Variants in IMPA1 observed in about 807,000 individuals in gnomAD.
IMPA1 encodes D-galactose 1-phosphate phosphatase.
Under a neutral mutation model 34.9 loss-of-function variants are expected in IMPA1, and 21 were observed. That is an observed-to-expected ratio of 0.60 (90% CI 0.43 to 0.87). The LOEUF (loss-of-function observed/expected upper bound fraction) is 0.87. Ranked by LOEUF, IMPA1 falls within the 40% of genes least tolerant of loss-of-function variation. The probability of loss-of-function intolerance (pLI) is 0.00; values close to 1 mark genes in which losing one functional copy is unlikely to be tolerated. For missense variants in IMPA1, 299 were observed against 336.4 expected, an observed-to-expected ratio of 0.89 and a Z score of 0.87; for synonymous variants, 95 against 104.4, an observed-to-expected ratio of 0.91 and a Z score of 0.55.
At chr8:81,684,647 TAAG>T (rs1807437281) in intron 1 of IMPA1, among the ~76,000 whole-genome samples, 1 of 139,704 alleles carries the variant, frequency 7.2e-6, no homozygotes, top group Admixed American at 7.3e-5. Flanking sequence ...ATACTACACA[TAAG>T]TATATATACT....
intron 5 of IMPA1, among the ~76,000 whole-genome samples, chr8:81,675,174 A>T (rs1344899835): frequency 6.6e-6 from 1 of 151,898 alleles, no homozygotes; most frequent in Non-Finnish European, 1.5e-5. Flanking sequence ...ACATCTCACC[A>T]TTCCCCACAC....
intron 2 of IMPA1, 107 bp downstream of exon 2, chr8:81,681,391 G>C (rs990101128): frequency 2.9e-6 from 2 of 700,920 alleles, no homozygotes; most frequent in African/African-American, 1.8e-5. Flanking sequence ...AAGCAAGACC[G>C]TTTCAAAAAA....
chr8:81,680,468 G>A (rs1221410113), intron 3 of IMPA1, among the ~76,000 whole-genome samples, 182 bp downstream of exon 3: 3 of 152,166 alleles, frequency 2.0e-5, no homozygotes, highest in South Asian at 2.1e-4. Flanking sequence ...CAACAATCAC[G>A]TGAGTGAATG....
At chr8:81,671,746 A>C (rs962891138) in intron 6 of IMPA1, among the ~76,000 whole-genome samples, 13 of 151,726 alleles carry the variant, frequency 8.6e-5, no homozygotes, top group African/African-American at 2.9e-4. Flanking sequence ...AAATACAAAA[A>C]ATTAGTTGGG....
chr8:81,669,621 T>C (rs983273498), intron 7 of IMPA1, among the ~76,000 whole-genome samples: 14 of 152,234 alleles, frequency 9.2e-5, no homozygotes, highest in African/African-American at 3.1e-4. Flanking sequence ...TAGCTTGTTT[T>C]GATTTCACAG....
At chr8:81,684,448 C>T (rs555029759) in intron 1 of IMPA1, among the ~76,000 whole-genome samples, 1 of 136,260 alleles carries the variant, frequency 7.3e-6, no homozygotes, top group East Asian at 2.2e-4. Context: ...TATTTAGATA[C>T]TATATATAGT....
chr8:81,662,468 C>T (rs1477821458), intron 7 of IMPA1, among the ~76,000 whole-genome samples: 2 of 152,152 alleles, frequency 1.3e-5, no homozygotes, highest in African/African-American at 4.8e-5. Flanking sequence ...ATGGAAAATA[C>T]TATGAAAGGA....
intron 6 of IMPA1, among the ~76,000 whole-genome samples, chr8:81,671,281 C>T (rs577235821): frequency 6.6e-5 from 10 of 152,162 alleles, no homozygotes; most frequent in South Asian, 2.1e-4. Flanking sequence ...AATTTGCCTG[C>T]ATACATAATA....
chr8:81,668,517 C>T (rs1260945520), intron 7 of IMPA1, among the ~76,000 whole-genome samples: 1 of 152,108 alleles, frequency 6.6e-6, no homozygotes, highest in Non-Finnish European at 1.5e-5. Flanking sequence ...TGCTTGAGCC[C>T]AGGAGGTTGA....
intron 5 of IMPA1, among the ~76,000 whole-genome samples, 174 bp downstream of exon 5, chr8:81,676,060 A>T (rs1037844331): frequency 6.6e-6 from 1 of 152,242 alleles, no homozygotes; most frequent in Non-Finnish European, 1.5e-5. Context: ...ATAAAATTTT[A>T]TCCAATGCAA....
At chr8:81,670,390 A>C (rs1806951594) in intron 7 of IMPA1, among the ~76,000 whole-genome samples, 1 of 152,158 alleles carries the variant, frequency 6.6e-6, no homozygotes, top group Non-Finnish European at 1.5e-5. Context: ...AAACCAAAAG[A>C]AAGCACGAAG....
At chr8:81,673,784 A>C in intron 6 of IMPA1, 57 bp downstream of exon 6, 1 of 976,462 alleles carries the variant, frequency 1.0e-6, no homozygotes, top group Non-Finnish European at 1.6e-6. Context: ...ATATTAAAAA[A>C]CAATAAAATA....
At position 81,664,446 on chromosome 8, in the gene IMPA1, T is replaced by C. The variant is rs145576233; in HGVS notation, c.567-3779A>G. Among the ~76,000 whole-genome samples the C allele has an allele frequency of 9.9e-4, 150 of 152,178 alleles. 1 individual carries two copies. Among genetic ancestry groups the C allele is most frequent in the African/African-American group, 3.4e-3 (139 of 41,492 alleles). ...AGGGCAGAGAAGGCAGAAAAGACTT[T>C]GTGAGAAAGAACAAGGAGGAGCAGA... On this transcript the variant is annotated intron_variant, in intron 7 of 8. Transcript: ENST00000256108.
At chr8:81,675,602 T>C (rs907279943) in intron 5 of IMPA1, among the ~76,000 whole-genome samples, 2 of 152,242 alleles carry the variant, frequency 1.3e-5, no homozygotes, top group Non-Finnish European at 2.9e-5. Context: ...AGAAATGTTA[T>C]AACTGCTGTT....
chr8:81,677,325 C>T (rs1442802203), intron 4 of IMPA1, among the ~76,000 whole-genome samples: 4 of 152,180 alleles, frequency 2.6e-5, no homozygotes, highest in Non-Finnish European at 1.5e-5. Context: ...GAACTCCCGA[C>T]CTCAGGTTAT....
chr8:81,679,308 C>T, intron 3 of IMPA1, 78 bp from the exon 4 acceptor site: 1 of 965,782 alleles, frequency 1.0e-6, no homozygotes, highest in Non-Finnish European at 1.7e-6. Context: ...TCCTTAGCTA[C>T]ACAGAGTACT....
intron 6 of IMPA1, among the ~76,000 whole-genome samples, chr8:81,671,339 A>G (rs1325235331): frequency 6.6e-6 from 1 of 152,184 alleles, no homozygotes; most frequent in African/African-American, 2.4e-5. Flanking sequence ...AGGAGAGACT[A>G]AATTCAATAA....
chr8:81,673,870 C>A lies in IMPA1; in HGVS notation c.428G>T (p.Gly143Val), dbSNP rs1327058147. The A allele has an allele frequency of 6.2e-7, 1 of 1,610,636 alleles. No homozygotes were observed. Among genetic ancestry groups the A allele is most frequent in the Non-Finnish European group, 8.5e-7 (1 of 1,177,150 alleles). The change falls in exon 6 of 9, where the codon GGT becomes GTT. Residue 143 changes from glycine to valine, a missense_variant. Gly to Val is a moderately radical substitution (Grantham distance 109). Transcript: ENST00000256108. ...TTGTTGTGAAACTTGTAGTTTTTGA[C>A]CATTACAAAAGGCACCTTTTCCTTT... is the stretch of plus-strand genomic sequence containing the variant. ...ARKGKGAFCN[G>V]QKLQVSQQED...
chr8:81,670,697 T>C (rs1028349699), intron 7 of IMPA1, among the ~76,000 whole-genome samples: 2 of 152,164 alleles, frequency 1.3e-5, no homozygotes, highest in African/African-American at 4.8e-5. Flanking sequence ...TCCTACTTTA[T>C]TGGAAGGCAA....
Sources: allele counts gnomAD v4.1 joint callset (sites outside exome capture counted in the v4.1 genomes callset), GRCh38; gene constraint gnomAD v4.1.1; transcripts MANE v1.5; gene names NCBI Gene and HGNC (gene_info 2026-07-23, HGNC 2026-07-21).